The following ADARB1 variants were observed in gnomAD, a reference collection of about 807,000 sequenced individuals.
ADARB1 encodes the protein adenosine deaminase RNA specific B1.
In ADARB1, 10 loss-of-function variants were observed where a neutral mutation model predicts 52.4. The ratio of observed to expected loss-of-function variants is 0.19; its 90% CI spans 0.12 to 0.32. The LOEUF (loss-of-function observed/expected upper bound fraction) is 0.32, where lower values mean the gene tolerates loss of function less well. Among genes scored for constraint, ADARB1 ranks in the 10% least tolerant of loss-of-function variants. ADARB1 has a pLI of 1.00. For missense variants in ADARB1, 643 were observed against 922.3 expected (o/e 0.70, Z 3.92); for synonymous variants, 349 against 371.1 (o/e 0.94, Z 0.68).
chr21:45,136,257 G>C (rs1379506466), intron 2 of ADARB1, among the ~76,000 whole-genome samples: 1 of 152,186 alleles, frequency 6.6e-6, no homozygotes, highest in African/African-American at 2.4e-5. Context: ...GTGAGGGACA[G>C]CAGGGCAGGC....
At chr21:45,096,799 A>T (rs1294755296) in intron 1 of ADARB1, among the ~76,000 whole-genome samples, 2 of 152,188 alleles carry the variant, frequency 1.3e-5, no homozygotes, top group Non-Finnish European at 2.9e-5. Flanking sequence ...TCTGTCGCCC[A>T]GGCGGTGCAG....
At chr21:45,104,184 C>T (rs1403026522) in intron 1 of ADARB1, among the ~76,000 whole-genome samples, 1 of 152,228 alleles carries the variant, frequency 6.6e-6, no homozygotes, top group East Asian at 1.9e-4. Context: ...CCTTTCTTGT[C>T]TGTCTCCTTG....
chr21:45,191,807 G>C (rs1223651378), intron 8 of ADARB1, among the ~76,000 whole-genome samples: 1 of 146,380 alleles, frequency 6.8e-6, no homozygotes, highest in Non-Finnish European at 1.5e-5. Flanking sequence ...TCTCTTCTGT[G>C]AGACAGCAGT....
chr21:45,076,354 C>G (rs1449770395), intron 1 of ADARB1, among the ~76,000 whole-genome samples: 4 of 152,212 alleles, frequency 2.6e-5, no homozygotes, highest in Non-Finnish European at 4.4e-5. Flanking sequence ...AGCTGGGTGC[C>G]TATATCTTGC....
At position 45,157,661 on chromosome 21, in the gene ADARB1, CTGTA is replaced by C. The variant is rs1362752918; in HGVS notation, c.-47-13945_-47-13942del. 6.6e-6 allele frequency among the ~76,000 whole-genome samples: 1 copy of C among 151,938 alleles called. No homozygotes were observed. Among genetic ancestry groups the C allele is most frequent in the Non-Finnish European group, 1.5e-5 (1 of 68,002 alleles). Reference sequence around the variant, plus strand: ...AACAAGCGTGTGGATCAGTGTGGCTCTGTATGTGTGAACATGTATGGACATATGT... The same window carrying C: ...AACAAGCGTGTGGATCAGTGTGGCTCTGTGTGAACATGTATGGACATATGT... On this transcript the variant is annotated intron_variant, in intron 2 of 10. Coordinates refer to ENST00000348831, the MANE Select transcript of ADARB1 (RefSeq NM_001112.4). The surrounding 1 kb of genome is among the most constrained non-coding windows in gnomAD (Gnocchi z 4.1).
intron 7 of ADARB1, chr21:45,184,691 T>C: frequency 2.3e-6 from 1 of 429,900 alleles, no homozygotes; most frequent in Non-Finnish European, 4.2e-6. Context: ...GCTCAAGCGA[T>C]CCACCTGCCT....
chr21:45,225,015 G>GA lies in ADARB1; in HGVS notation c.*2824dup, dbSNP rs377703366. 6.0e-4 allele frequency: 589 copies of GA among 985,478 alleles called. 4 individuals carry two copies. In the African/African-American group the frequency reaches 7.8e-3, roughly 13 times the overall value. The allele number at this position is 985,478 out of a possible 1,614,324, so 61.0% of individuals were successfully genotyped here. A position where few individuals can be genotyped will look rare whatever the true frequency, so the allele number is the denominator to read the frequency against. ...CACAAGCAGGAACTTGATTTTTTAA[G>GA]AAAAAATATTACATTTTGAGGACAT... is the stretch of plus-strand genomic sequence containing the variant. On this transcript the variant is annotated 3_prime_UTR_variant, in exon 11 of 11. Transcript: ENST00000348831.
chr21:45,194,092 A>G (rs1403906680), intron 8 of ADARB1, among the ~76,000 whole-genome samples: 1 of 152,238 alleles, frequency 6.6e-6, no homozygotes, highest in African/African-American at 2.4e-5. Context: ...TTAAGAAAGT[A>G]TGATTTTGGC....
At chr21:45,154,320 A>T (rs1601633024) in intron 2 of ADARB1, among the ~76,000 whole-genome samples, 1 of 152,334 alleles carries the variant, frequency 6.6e-6, no homozygotes, top group East Asian at 1.9e-4. Context: ...GTTATGTGTT[A>T]GTTCTCGCTG....
chr21:45,104,010 AGGCCCCAGGGG>A (rs2087139309), intron 1 of ADARB1, among the ~76,000 whole-genome samples: 1 of 152,142 alleles, frequency 6.6e-6, no homozygotes, highest in African/African-American at 2.4e-5. Context: ...TTATCGAACC[AGGCCCCAGGGG>A]TCAGTGACGG....
intron 8 of ADARB1, among the ~76,000 whole-genome samples, chr21:45,203,434 T>C (rs2092603480): frequency 1.3e-5 from 2 of 152,220 alleles, no homozygotes; most frequent in Admixed American, 1.3e-4. Flanking sequence ...TTTTATTGCA[T>C]TATTGTTTAG....
Position 45,223,025 on chromosome 21 carries a change from G to T in ADARB1, c.*828G>T. The T allele has an allele frequency of 7.1e-6, 7 of 985,396 alleles. No individual in the cohort carries two copies. Among genetic ancestry groups the T allele is most frequent in the Non-Finnish European group, 7.2e-6 (6 of 829,924 alleles). The allele number at this position is 985,396 out of a possible 1,614,324, so 61.0% of individuals were successfully genotyped here. A position where few individuals can be genotyped will look rare whatever the true frequency, so the allele number is the denominator to read the frequency against. ...AATACATGGCCAGTAATCCCAGGCT[G>T]GCCATTCATTCAGGTTTTTTAAAGG... On this transcript the variant is annotated 3_prime_UTR_variant, in exon 11 of 11. Coordinates refer to ENST00000348831, the MANE Select transcript of ADARB1 (RefSeq NM_001112.4).
In ADARB1 at chr21:45,176,229, C is replaced by T. The variant is rs2091689019; in HGVS notation, c.528C>T (p.Leu176=). 6.2e-7 allele frequency: 1 copy of T among 1,614,240 alleles called. No individual in the cohort carries two copies. The highest frequency in any genetic ancestry group is 8.5e-7 in the Non-Finnish European group (1 of 1,180,036). The stretch of plus-strand genomic sequence containing the variant: ...ACCAGGCCGACTTCCCTGACACGCT[C>T]TTCAATGGTTTTGAAACTCCTGACA... The part of the protein sequence containing the change: ...TSDQADFPDT[L]FNGFETPDKA... Residue 176 remains leucine, a synonymous_variant, in exon 4 of 11, where the codon CTC becomes CTT. Coordinates refer to ENST00000348831, the MANE Select transcript of ADARB1 (RefSeq NM_001112.4). The surrounding 1 kb of genome is among the most constrained non-coding windows in gnomAD (Gnocchi z 5.8).
At chr21:45,100,690 A>C (rs376895688) in intron 1 of ADARB1, 1 of 152,410 alleles carries the variant, frequency 6.6e-6, no homozygotes, top group Admixed American at 6.5e-5. Context: ...GGTGGGATTC[A>C]GTTTTCTGGA....
chr21:45,165,938 T>G (rs1404641341), intron 2 of ADARB1, among the ~76,000 whole-genome samples: 1 of 152,144 alleles, frequency 6.6e-6, no homozygotes, highest in Non-Finnish European at 1.5e-5. Context: ...GGAAAATGGA[T>G]TTAATCCAGT....
chr21:45,199,257 C>G (rs993460114), intron 8 of ADARB1, among the ~76,000 whole-genome samples: 2 of 152,188 alleles, frequency 1.3e-5, no homozygotes, highest in African/African-American at 4.8e-5. Context: ...TTCATAATCC[C>G]TAGAGCTGAC....
chr21:45,204,464 C>A lies in ADARB1; in HGVS notation c.1566-91C>A. 1 of 1,277,012 alleles carries A rather than the reference C, an allele frequency of 7.8e-7. No homozygotes were observed. Among genetic ancestry groups the A allele is most frequent in the Non-Finnish European group, 1.1e-6 (1 of 910,398 alleles). The allele number at this position is 1,277,012 out of a possible 1,614,324, so 79.1% of individuals were successfully genotyped here. A position where few individuals can be genotyped will look rare whatever the true frequency, so the allele number is the denominator to read the frequency against. Reference sequence around the variant, plus strand: ...GTTGGTTGGGATCCTGCGGAATTGCCAGTGCATCCCTGTAACCACGCAGGC... The same window carrying A: ...GTTGGTTGGGATCCTGCGGAATTGCAAGTGCATCCCTGTAACCACGCAGGC... On this transcript the variant is annotated intron_variant, in intron 8 of 10. Transcript: ENST00000348831. This position sits in a 1 kb window ranked among gnomAD's most constrained non-coding sequence, Gnocchi z 4.4.
At chr21:45,203,456 T>C (rs1271305604) in intron 8 of ADARB1, among the ~76,000 whole-genome samples, 1 of 152,230 alleles carries the variant, frequency 6.6e-6, no homozygotes, top group African/African-American at 2.4e-5. Flanking sequence ...TCCTGAGCTG[T>C]ATCTCCCCCC....
At chr21:45,090,921 G>A (rs1178259030) in intron 1 of ADARB1, among the ~76,000 whole-genome samples, 3 of 152,060 alleles carry the variant, frequency 2.0e-5, no homozygotes, top group Non-Finnish European at 4.4e-5. Flanking sequence ...TTGAGCATCT[G>A]ATTATTATTG....
Sources: allele counts gnomAD v4.1 joint callset (sites outside exome capture counted in the v4.1 genomes callset), GRCh38; gene constraint gnomAD v4.1.1; non-coding constraint Gnocchi (gnomAD v3.1); transcripts MANE v1.5; gene names NCBI Gene and HGNC (gene_info 2026-07-23, HGNC 2026-07-21).